CNTNAP1: variants seen among roughly 807,000 people sequenced by gnomAD.
CNTNAP1 encodes the protein contactin-associated protein 1.
CNTNAP1 carries 80 observed loss-of-function variants against 161.5 expected under a neutral mutation model. That is an observed-to-expected ratio of 0.50 (90% CI 0.41 to 0.60). The LOEUF is 0.60. Among genes scored for constraint, CNTNAP1 ranks in the 20% least tolerant of loss-of-function variants. The pLI, the probability that CNTNAP1 is intolerant of heterozygous loss-of-function variation, is 0.00. For synonymous variants in CNTNAP1, 695 were observed against 733.1 expected (o/e 0.95, Z 0.84); for missense variants, 1,464 against 1,854.8 (o/e 0.79, Z 3.87).
intron 23 of CNTNAP1, 81 bp from the exon 24 acceptor site, chr17:42,698,537 G>A: frequency 6.5e-6 from 5 of 775,106 alleles, no homozygotes; most frequent in Non-Finnish European, 9.0e-6. Flanking sequence ...AAGAGTGCGT[G>A]TGTGTGTGTG....
Position 42,695,727 on chromosome 17 carries a change from C to T in CNTNAP1, c.3199C>T (p.Arg1067Trp), listed in dbSNP as rs746339446. The T allele has an allele frequency of 9.3e-6, 15 of 1,614,034 alleles. No homozygotes were observed. Among genetic ancestry groups the T allele is most frequent in the South Asian group, 2.2e-5 (2 of 91,084 alleles). Residue 1067 changes from arginine (R) to tryptophan (W), a missense_variant, in exon 19 of 24, where the codon CGG becomes TGG. Arg to Trp is a moderately radical substitution (Grantham distance 101, BLOSUM62 -3). Coordinates refer to ENST00000264638, the MANE Select transcript of CNTNAP1 (RefSeq NM_003632.3). The part of the protein sequence containing the change: ...YRLPDYPRPG[R>W]PVPGYRGPVY... ...CCTGCCCGACTACCCCCGGCCTGGT[C>T]GGCCTGTGCCCGGTTACCGTGGGCC...
intron 1 of CNTNAP1, 153 bp downstream of exon 1, chr17:42,683,049 T>C (rs1236695880): frequency 5.4e-6 from 4 of 744,872 alleles, no homozygotes; most frequent in African/African-American, 3.6e-5. Context: ...TCCCCCGCGC[T>C]CCGCATTGCA....
At chr17:42,695,248 T>G (rs2053136984) in intron 18 of CNTNAP1, among the ~76,000 whole-genome samples, 1 of 152,176 alleles carries the variant, frequency 6.6e-6, no homozygotes, top group African/African-American at 2.4e-5. Flanking sequence ...GTGCCTGGCC[T>G]TACTGCGTGT....
rs749818499 is a variant in CNTNAP1, at chr17:42,683,801, A to C, written c.68-20A>C. On this transcript the variant is annotated intron_variant, in intron 1 of 23. Coordinates refer to ENST00000264638, the MANE Select transcript of CNTNAP1 (RefSeq NM_003632.3). ...CTGGGAGGGGCCAGCGCTGACTAACAGTCGGTTTCCCTACCCTAGACGGCT... is the reference window on the plus strand; with the variant it reads ...CTGGGAGGGGCCAGCGCTGACTAACCGTCGGTTTCCCTACCCTAGACGGCT... The C allele has an allele frequency of 6.2e-7, 1 of 1,607,322 alleles. No individual in the cohort carries two copies. Among genetic ancestry groups the C allele is most frequent in the East Asian group, 2.2e-5 (1 of 44,820 alleles).
chr17:42,696,551 G>A (rs1252521030), intron 20 of CNTNAP1, among the ~76,000 whole-genome samples: 1 of 152,082 alleles, frequency 6.6e-6, no homozygotes, highest in Non-Finnish European at 1.5e-5. Context: ...TCGAACACCC[G>A]ACCTCAGATG....
At position 42,691,578 on chromosome 17, in the gene CNTNAP1, C is replaced by T. The variant is rs2053087054; in HGVS notation, c.2344+67C>T. On this transcript the variant is annotated intron_variant, in intron 15 of 23. Coordinates refer to ENST00000264638, the MANE Select transcript of CNTNAP1 (RefSeq NM_003632.3). This position sits in a 1 kb window ranked among gnomAD's most constrained non-coding sequence, Gnocchi z 4.3. The stretch of plus-strand genomic sequence containing the variant: ...TCTCCAGTTTCCAAAATCTAGGCCG[C>T]ATGTCACTGGTGGTCTCTAGCTGGG... The T allele has an allele frequency of 6.3e-7, 1 of 1,597,464 alleles. No individual in the cohort carries two copies. Among genetic ancestry groups the T allele is most frequent in the East Asian group, 2.2e-5 (1 of 44,778 alleles).
rs1452617069 is a variant in CNTNAP1 at position 42,695,618 on chromosome 17, G to A, written c.3090G>A (p.Arg1030=). The A allele has an allele frequency of 1.2e-6, 2 of 1,614,042 alleles. No homozygotes were observed. The highest frequency in any genetic ancestry group is 2.7e-5 in the African/African-American group (2 of 74,890). The change falls in exon 19 of 24, where the codon CGG becomes CGA. Residue 1030 remains arginine (R), a synonymous_variant. Transcript: ENST00000264638. ...GGGAGTTCTCCCACATGCTGAGCCGGCCAGTGCCAGGCTATGAGCCTGGCT... is the reference window on the plus strand; with the variant it reads ...GGGAGTTCTCCCACATGCTGAGCCGACCAGTGCCAGGCTATGAGCCTGGCT... ...AAREFSHMLS[R]PVPGYEPGYI...
rs1405336706 is a variant in CNTNAP1, at chr17:42,693,414, G to A, written c.2870G>A (p.Cys957Tyr). Residue 957 changes from cysteine to tyrosine, a missense_variant, in exon 18 of 24, where the codon TGC becomes TAC. Around this residue, in one of 3 missense-constraint regions of CNTNAP1, gnomAD observed 1,383 missense variants for 1,765.0 expected, o/e 0.78. Transcript: ENST00000264638. ...ANASEGTSPN[C>Y]TGHCAHPRLP... ...GCCTCTGAGGGTACCTCACCCAACT[G>A]CACAGGCCACTGTGCCCACCCTCGG... is the stretch of plus-strand genomic sequence containing the variant. The A allele has an allele frequency of 6.2e-7, 1 of 1,614,216 alleles. No individual in the cohort carries two copies. The highest frequency in any genetic ancestry group is 8.5e-7 in the Non-Finnish European group (1 of 1,180,042).
intron 10 of CNTNAP1, 131 bp from the exon 11 acceptor site, chr17:42,689,390 G>A (rs2053057120): frequency 7.3e-6 from 5 of 683,304 alleles, no homozygotes; most frequent in African/African-American, 3.6e-5. Context: ...GCTTATACCC[G>A]GCTGGCTAGG....
chr17:42,694,585 G>A lies in CNTNAP1; in HGVS notation c.2993-936G>A, dbSNP rs919810855. On this transcript the variant is annotated intron_variant, in intron 18 of 23. Transcript: ENST00000264638. ...GTCAAGGCTGCAGTGAGCTATGATC[G>A]TGCCACTGCACTCCAGCCTGGGGGG... 1.1e-4 allele frequency among the ~76,000 whole-genome samples: 16 copies of A among 151,232 alleles called. No individual in the cohort carries two copies. The South Asian group carries it at 1.3e-3, about 12-fold the overall frequency.
chr17:42,682,783 G>A lies in CNTNAP1; in HGVS notation c.-47G>A. On this transcript the variant is annotated 5_prime_UTR_variant, in exon 1 of 24. Coordinates refer to ENST00000264638, the MANE Select transcript of CNTNAP1 (RefSeq NM_003632.3). Reference sequence around the variant, plus strand: ...AGCCCAAGCCAGAACTCGAGCCCTAGCCGGAGCCGTTCACAGGGAGGCGGC... The same window carrying A: ...AGCCCAAGCCAGAACTCGAGCCCTAACCGGAGCCGTTCACAGGGAGGCGGC... 1 of 1,541,706 alleles carries A rather than the reference G, an allele frequency of 6.5e-7. No individual in the cohort carries two copies.
chr17:42,697,167 G>T, intron 20 of CNTNAP1, 107 bp from the exon 21 acceptor site: 3 of 815,876 alleles, frequency 3.7e-6, no homozygotes, highest in Non-Finnish European at 4.2e-6. Context: ...TCCAGTATCT[G>T]CCCCCAAGTA....
chr17:42,696,128 T>C lies in CNTNAP1; in HGVS notation c.3450T>C (p.Arg1150=), dbSNP rs532825207. Residue 1150 remains arginine, a synonymous_variant, in exon 20 of 24, where the codon CGT becomes CGC. Transcript: ENST00000264638. ...AGCCCCATAGCATCAATATCACCCG[T>C]GTTTACCGGAACCTCTTCATCCAGG... The part of the protein sequence containing the change: ...DGQPHSINIT[R]VYRNLFIQVD... The C allele has an allele frequency of 5.1e-5, 83 of 1,614,150 alleles. No homozygotes were observed. Among genetic ancestry groups the C allele is most frequent in the Non-Finnish European group, 6.9e-5 (81 of 1,180,024 alleles).
chr17:42,697,821 G>A (rs761674887), intron 22 of CNTNAP1, 22 bp downstream of exon 22: 1 of 1,614,166 alleles, frequency 6.2e-7, no homozygotes, highest in Non-Finnish European at 8.5e-7. Flanking sequence ...GGACACAGAG[G>A]ACAGAAGGGA....
At chr17:42,695,198 T>C (rs1432434624) in intron 18 of CNTNAP1, among the ~76,000 whole-genome samples, 1 of 152,200 alleles carries the variant, frequency 6.6e-6, no homozygotes, top group Non-Finnish European at 1.5e-5. Context: ...TCTGCCTGCC[T>C]TGGCCTCCCA....
chr17:42,696,019 C>G lies in CNTNAP1; in HGVS notation c.3347-6C>G, dbSNP rs1322308903. On this transcript the variant is annotated splice_polypyrimidine_tract_variant and splice_region_variant and intron_variant, in intron 19 of 23. Transcript: ENST00000264638. ...AGACCCCAAATTTCTTCTCCCCACC[C>G]CACAGGGACCCTTCAGCTGCGATAT... is the stretch of plus-strand genomic sequence containing the variant. 1 of 1,613,996 alleles carries G rather than the reference C, an allele frequency of 6.2e-7. No homozygotes were observed. Among genetic ancestry groups the G allele is most frequent in the South Asian group, 1.1e-5 (1 of 91,062 alleles).
At chr17:42,692,449 T>A (rs1353071409) in intron 16 of CNTNAP1, 50 bp from the exon 17 acceptor site, 2 of 1,475,096 alleles carry the variant, frequency 1.4e-6, no homozygotes, top group Non-Finnish European at 1.9e-6. Context: ...CTATGAAGGG[T>A]CTTGTAGGTC....
rs755797621 is a variant in CNTNAP1, at chr17:42,693,378, G to C, written c.2834G>C (p.Gly945Ala). 1 of 1,614,238 alleles carries C rather than the reference G, an allele frequency of 6.2e-7. No homozygotes were observed. The change falls in exon 18 of 24, where the codon GGC becomes GCC. Residue 945 changes from glycine to alanine, a missense_variant. Physicochemically the swap from Gly to Ala is moderately conservative, Grantham distance 60. Transcript: ENST00000264638. Reference sequence around the variant, plus strand: ...AACGGAGTGACTCTGAACCTGGAGGGCCGTGCCAATGCCTCTGAGGGTACC... The same window carrying C: ...AACGGAGTGACTCTGAACCTGGAGGCCCGTGCCAATGCCTCTGAGGGTACC... ...RLNGVTLNLE[G>A]RANASEGTSP...
rs912049954 is a variant in CNTNAP1, at chr17:42,695,959, C to T, written c.3347-66C>T. On this transcript the variant is annotated intron_variant, in intron 19 of 23. Coordinates refer to ENST00000264638, the MANE Select transcript of CNTNAP1 (RefSeq NM_003632.3). Reference sequence around the variant, plus strand: ...CTATTGATTCACAAATACAAGGACCCACGTGCTGTTAGAAGATAGGAGTCA... The same window carrying T: ...CTATTGATTCACAAATACAAGGACCTACGTGCTGTTAGAAGATAGGAGTCA... 7 of 1,601,778 alleles carry T rather than the reference C, an allele frequency of 4.4e-6. No individual in the cohort carries two copies. In the African/African-American group the frequency reaches 9.4e-5, roughly 21 times the overall value.
Sources: allele counts gnomAD v4.1 joint callset (sites outside exome capture counted in the v4.1 genomes callset), GRCh38; gene constraint gnomAD v4.1.1; regional missense constraint gnomAD v4.1.1; non-coding constraint Gnocchi (gnomAD v3.1); transcripts MANE v1.5; gene names NCBI Gene and HGNC (gene_info 2026-07-23, HGNC 2026-07-21).